GPC6: variants seen among roughly 807,000 people sequenced by gnomAD.
GPC6 encodes the protein glypican-6.
GPC6 carries 14 observed loss-of-function variants against 55.2 expected under a neutral mutation model. The ratio of observed to expected loss-of-function variants is 0.25; its 90% CI spans 0.17 to 0.40. The LOEUF (loss-of-function observed/expected upper bound fraction) is 0.40. Ranked by LOEUF, GPC6 falls within the 10% of genes least tolerant of loss-of-function variation. The pLI is 1.00. For synonymous variants in GPC6, 278 were observed against 259.6 expected (o/e 1.07, Z -0.68); for missense variants, 641 against 708.5 (o/e 0.90, Z 1.08).
chr13:93,552,492 C>G (rs1201347284), intron 2 of GPC6, among the ~76,000 whole-genome samples: 1 of 151,944 alleles, frequency 6.6e-6, no homozygotes. Flanking sequence ...CTCTCTCTCT[C>G]TCTCTCTCTC....
chr13:93,280,693 C>T lies in GPC6; in HGVS notation c.160+53077C>T, dbSNP rs559649066. Among the ~76,000 whole-genome samples, 21 of 152,328 alleles carry T rather than the reference C, an allele frequency of 1.4e-4. No homozygotes were observed. The South Asian group carries it at 2.5e-3, about 18-fold the overall frequency. ...CGCTTTACTTATATGTATATGCTGG[C>T]GCTAATTTTTTAAGGCAGTGGTCCC... On this transcript the variant is annotated intron_variant, in intron 1 of 8. Coordinates refer to ENST00000377047, the MANE Select transcript of GPC6 (RefSeq NM_005708.5).
intron 2 of GPC6, among the ~76,000 whole-genome samples, chr13:93,623,646 G>A (rs926323745): frequency 6.6e-6 from 1 of 151,762 alleles, no homozygotes; most frequent in Non-Finnish European, 1.5e-5. Context: ...TTTTAGTAGA[G>A]GCAGGGTTTC....
At chr13:94,129,406 C>T (rs1031149952) in intron 4 of GPC6, among the ~76,000 whole-genome samples, 2 of 152,034 alleles carry the variant, frequency 1.3e-5, no homozygotes, top group Admixed American at 6.6e-5. Context: ...TTATGGAAGA[C>T]CTGTCCCAAG....
At chr13:93,688,115 G>T (rs1213841714) in intron 2 of GPC6, among the ~76,000 whole-genome samples, 2 of 151,962 alleles carry the variant, frequency 1.3e-5, no homozygotes, top group African/African-American at 4.8e-5. Context: ...TTATTTATTT[G>T]CTGTCAACGT....
intron 1 of GPC6, among the ~76,000 whole-genome samples, chr13:93,384,552 C>T (rs1388919979): frequency 6.6e-6 from 1 of 151,990 alleles, no homozygotes; most frequent in Non-Finnish European, 1.5e-5. Context: ...CCTTCCTATA[C>T]AAAGATCTGT....
intron 3 of GPC6, among the ~76,000 whole-genome samples, chr13:93,980,168 C>T (rs548052948): frequency 9.9e-5 from 15 of 152,238 alleles, no homozygotes; most frequent in African/African-American, 2.9e-4. Context: ...CCTGTACCAA[C>T]TGAGGCTTTT....
intron 6 of GPC6, among the ~76,000 whole-genome samples, chr13:94,317,182 G>A (rs907843865): frequency 6.6e-6 from 1 of 152,176 alleles, no homozygotes; most frequent in Non-Finnish European, 1.5e-5. Context: ...GTAGAGCTTT[G>A]ATTCAGCTGG....
At chr13:93,985,689 CAAAAAAAAAAA>C (rs34003218) in intron 3 of GPC6, among the ~76,000 whole-genome samples, 3 of 69,404 alleles carry the variant, frequency 4.3e-5, no homozygotes, top group Non-Finnish European at 2.5e-5. Context: ...AAGACCTGGC[CAAAAAAAAAAA>C]AAAAAAAAAA....
chr13:93,771,327 G>T (rs1250951580), intron 2 of GPC6, among the ~76,000 whole-genome samples: 1 of 152,130 alleles, frequency 6.6e-6, no homozygotes, highest in Non-Finnish European at 1.5e-5. Flanking sequence ...GGAAGAACCG[G>T]AGAGCAAGCC....
intron 6 of GPC6, among the ~76,000 whole-genome samples, chr13:94,369,812 GT>G (rs1006621521): frequency 8.6e-5 from 13 of 151,758 alleles, no homozygotes; most frequent in South Asian, 8.3e-4. Context: ...GTTTTTTGGG[GT>G]TTTTTTTCCC....
At chr13:93,282,313 A>G (rs534304273) in intron 1 of GPC6, among the ~76,000 whole-genome samples, 6 of 152,266 alleles carry the variant, frequency 3.9e-5, no homozygotes, top group African/African-American at 9.6e-5. Flanking sequence ...TGTCCTTAGC[A>G]TGGAGAAAGG....
intron 6 of GPC6, among the ~76,000 whole-genome samples, chr13:94,308,131 G>A (rs1344881534): frequency 6.6e-6 from 1 of 152,210 alleles, no homozygotes; most frequent in African/African-American, 2.4e-5. Context: ...ATAATGATAT[G>A]TATGGCAACT....
In GPC6 at chr13:93,572,125, A is replaced by G. The variant is rs536302125; in HGVS notation, c.319+26704A>G. Among the ~76,000 whole-genome samples the G allele has an allele frequency of 7.2e-5, 11 of 152,280 alleles. No individual in the cohort carries two copies. The South Asian group carries it at 2.3e-3, about 32-fold the overall frequency. ...CAGACTTACACCATTTGTTCATCAT[A>G]AATGTGTACCAGATTCAATTCAAGG... On this transcript the variant is annotated intron_variant, in intron 2 of 8. Transcript: ENST00000377047.
In GPC6 at chr13:93,308,826, A is replaced by C. The variant is rs536252959; in HGVS notation, c.160+81210A>C. 4.6e-5 allele frequency among the ~76,000 whole-genome samples: 7 copies of C among 152,360 alleles called. No individual in the cohort carries two copies. In the East Asian group the frequency reaches 1.2e-3, roughly 25 times the overall value. The stretch of plus-strand genomic sequence containing the variant: ...TTAATTTTTTTATGGCTAAGAAAAT[A>C]TTAGGAAGAAAGCAAACTGCAACAA... On this transcript the variant is annotated intron_variant, in intron 1 of 8. Transcript: ENST00000377047.
chr13:93,454,981 T>C (rs1346038772), intron 1 of GPC6, among the ~76,000 whole-genome samples: 1 of 152,140 alleles, frequency 6.6e-6, no homozygotes, highest in East Asian at 1.9e-4. Flanking sequence ...CGTCGGTGGG[T>C]TGGCACTGCT....
intron 2 of GPC6, among the ~76,000 whole-genome samples, chr13:93,749,608 T>C (rs1884509241): frequency 1.3e-5 from 2 of 152,162 alleles, no homozygotes; most frequent in Non-Finnish European, 2.9e-5. Flanking sequence ...AACTTAAAAA[T>C]TGCAATAAAT....
intron 2 of GPC6, among the ~76,000 whole-genome samples, chr13:93,766,742 CT>C (rs1885139841): frequency 6.6e-6 from 1 of 152,006 alleles, no homozygotes; most frequent in African/African-American, 2.4e-5. Context: ...AAAAAATTCT[CT>C]TTTTGGGCAT....
chr13:93,293,917 C>T (rs542232266), intron 1 of GPC6, among the ~76,000 whole-genome samples: 1 of 152,292 alleles, frequency 6.6e-6, no homozygotes, highest in East Asian at 1.9e-4. Flanking sequence ...GTGTTTGACC[C>T]TTGGCACTCT....
intron 4 of GPC6, among the ~76,000 whole-genome samples, chr13:94,042,433 T>C (rs982774976): frequency 5.3e-5 from 8 of 151,900 alleles, no homozygotes; most frequent in African/African-American, 1.9e-4. Context: ...TACCTCATTT[T>C]AATATCACTA....
Sources: gnomAD v4.1 joint callset for allele counts (sites outside exome capture counted in the v4.1 genomes callset) on GRCh38, gnomAD v4.1.1 for gene constraint, MANE v1.5 for transcripts, NCBI Gene and HGNC (gene_info 2026-07-23, HGNC 2026-07-21) for gene names.